Variants in VWA5B1 observed in about 807,000 individuals in gnomAD.
VWA5B1 encodes von Willebrand factor A domain-containing protein 5B1.
In VWA5B1, 115 loss-of-function variants were observed where a neutral mutation model predicts 118.2. The ratio of observed to expected loss-of-function variants is 0.97; its 90% confidence interval spans 0.84 to 1.14. The LOEUF (loss-of-function observed/expected upper bound fraction) is 1.14, where lower values mean the gene tolerates loss of function less well. Among genes scored for constraint, VWA5B1 ranks in the 50% most tolerant of loss-of-function variants. VWA5B1 has a pLI of 0.00. For synonymous variants in VWA5B1, 682 were observed against 658.4 expected (o/e 1.04, Z -0.55); for missense variants, 1,596 against 1,603.8 (o/e 1.00, Z 0.08).
chr1:20,353,851 C>T lies in VWA5B1; in HGVS notation c.3236C>T (p.Pro1079Leu). ...ATGGAGAAGCTCAAGTGGACGTCCC[C>T]CTTCACCTGCCATCGAGTGTCCCTC... ...IPMEKLKWTSPFTCHRVSLTT... is the reference protein window; with the variant it reads ...IPMEKLKWTSLFTCHRVSLTT... The change falls in exon 22 of 22, where the codon CCC becomes CTC. Residue 1079 changes from proline to leucine, a missense_variant. Pro to Leu is a moderately conservative substitution (Grantham distance 98). Coordinates refer to ENST00000289815, the MANE Select transcript of VWA5B1 (RefSeq NM_001039500.3). The T allele has an allele frequency of 6.5e-7, 1 of 1,537,662 alleles. No individual in the cohort carries two copies. The highest frequency in any genetic ancestry group is 8.8e-7 in the Non-Finnish European group (1 of 1,139,944).
intron 12 of VWA5B1, 60 bp from the exon 13 acceptor site, chr1:20,336,243 C>T (rs941937815): frequency 2.2e-5 from 28 of 1,283,666 alleles, no homozygotes; most frequent in South Asian, 1.8e-4. Flanking sequence ...TTGCTCCCTG[C>T]GGAAGTCCTT....
chr1:20,306,620 AT>A (rs1203228802), intron 1 of VWA5B1, among the ~76,000 whole-genome samples: 4 of 152,204 alleles, frequency 2.6e-5, no homozygotes, highest in African/African-American at 9.7e-5. Flanking sequence ...GCTGGCACTC[AT>A]TCATTCATTT....
intron 1 of VWA5B1, among the ~76,000 whole-genome samples, chr1:20,302,342 A>G (rs566084107): frequency 1.3e-5 from 2 of 152,356 alleles, no homozygotes; most frequent in East Asian, 3.9e-4. Context: ...TCTTCAGACG[A>G]ACCTGTAGCC....
chr1:20,354,066 C>A lies in VWA5B1; in HGVS notation c.3451C>A (p.His1151Asn). 6.4e-7 allele frequency: 1 copy of A among 1,551,550 alleles called. No homozygotes were observed. Among genetic ancestry groups the A allele is most frequent in the South Asian group, 1.2e-5 (1 of 84,060 alleles). The stretch of plus-strand genomic sequence containing the variant: ...GGTGGTGGGGCTGGCATGGCTGGAG[C>A]ACAGTTCGGCCTCCTACTTCACTGA... Reference protein sequence around the residue: ...ATVVGLAWLEHSSASYFTEWE... With the variant: ...ATVVGLAWLENSSASYFTEWE... Residue 1151 changes from histidine (H) to asparagine (N), a missense_variant, in exon 22 of 22, where the codon CAC becomes AAC. Transcript: ENST00000289815.
Position 20,323,508 on chromosome 1 carries a change from C to G in VWA5B1, c.1119C>G (p.Ser373Arg). Residue 373 changes from serine to arginine, a missense_variant, in exon 8 of 22, where the codon AGC (serine) becomes AGG (arginine). Physicochemically the swap from Ser to Arg is moderately radical, Grantham distance 110. Transcript: ENST00000289815. ...TCATTGACAGGAGCAGCAGCATGAG[C>G]GGGATCAGCATGCACCGAGTCAAGG... is the stretch of plus-strand genomic sequence containing the variant. ...IFLIDRSSSM[S>R]GISMHRVKDA... 1.3e-6 allele frequency: 2 copies of G among 1,511,326 alleles called. No homozygotes were observed. The highest frequency in any genetic ancestry group is 2.6e-5 in the East Asian group (1 of 37,890). 93.6% of individuals were successfully genotyped at this position (1,511,326 alleles called of 1,614,324 possible). A position where few individuals can be genotyped will look rare whatever the true frequency, so the allele number is the denominator to read the frequency against.
chr1:20,342,129 CAA>C (rs60635945), intron 14 of VWA5B1, among the ~76,000 whole-genome samples: 20,618 of 139,026 alleles, frequency 0.15, 1,818 homozygotes, highest in East Asian at 0.52. Context: ...AACTTTATGG[CAA>C]AAAAAAAAAA....
intron 21 of VWA5B1, among the ~76,000 whole-genome samples, chr1:20,352,677 G>T (rs534328016): frequency 7.8e-4 from 119 of 152,282 alleles, no homozygotes; most frequent in African/African-American, 2.8e-3. Context: ...AAGGGAGACT[G>T]GCCCTGCCAC....
chr1:20,300,818 C>G (rs2088488896), intron 1 of VWA5B1, among the ~76,000 whole-genome samples: 1 of 152,352 alleles, frequency 6.6e-6, no homozygotes, highest in Middle Eastern at 3.4e-3. Flanking sequence ...TTGACCCCTA[C>G]CCCAGGGTCT....
At chr1:20,293,136 G>A (rs16823816) in intron 1 of VWA5B1, among the ~76,000 whole-genome samples, 33,958 of 152,144 alleles carry the variant, frequency 0.22, 4,334 homozygotes, top group East Asian at 0.39. Context: ...TGACACCAGT[G>A]TTCTGTTCCA....
chr1:20,348,512 G>C (rs2101011426), intron 18 of VWA5B1, 154 bp downstream of exon 18: 3 of 750,436 alleles, frequency 4.0e-6, no homozygotes, highest in Middle Eastern at 2.7e-4. Flanking sequence ...GTCCTCCCAG[G>C]CTCTCTGAAG....
chr1:20,331,766 G>A (rs904076089), intron 11 of VWA5B1, among the ~76,000 whole-genome samples: 2 of 152,066 alleles, frequency 1.3e-5, no homozygotes, highest in African/African-American at 4.8e-5. Context: ...AAAAGCTGGG[G>A]TGCTGCATCT....
At chr1:20,304,865 C>T (rs2088602084) in intron 1 of VWA5B1, among the ~76,000 whole-genome samples, 1 of 152,046 alleles carries the variant, frequency 6.6e-6, no homozygotes, top group African/African-American at 2.4e-5. Context: ...CTCACCTCTT[C>T]GAGCCTTGGT....
intron 1 of VWA5B1, among the ~76,000 whole-genome samples, chr1:20,292,024 AT>A (rs2088317395): frequency 6.6e-6 from 1 of 151,938 alleles, no homozygotes; most frequent in South Asian, 2.1e-4. Flanking sequence ...GCGTCACACC[AT>A]CCTGCCTCTC....
rs919470191 is a variant in VWA5B1 at position 20,354,478 on chromosome 1, C to G, written c.*215C>G. The G allele has an allele frequency of 5.1e-6, 3 of 591,010 alleles. No individual in the cohort carries two copies. In the African/African-American group the frequency reaches 5.6e-5, roughly 11 times the overall value. 36.6% of individuals were successfully genotyped at this position (591,010 alleles called of 1,614,324 possible). A position where few individuals can be genotyped will look rare whatever the true frequency, so the allele number is the denominator to read the frequency against. On this transcript the variant is annotated 3_prime_UTR_variant, in exon 22 of 22. Coordinates refer to ENST00000289815, the MANE Select transcript of VWA5B1 (RefSeq NM_001039500.3). ...GGCCAGTGCCTGCCCCCGTCTGGGC[C>G]TCAGTTTCCTCATCTATAAAATAAG...
At position 20,352,074 on chromosome 1, in the gene VWA5B1, A is replaced by G; in HGVS notation, c.3043A>G (p.Arg1015Gly). ...FGSWLNLNKSRLLTRAAKGFL... is the reference protein window; with the variant it reads ...FGSWLNLNKSGLLTRAAKGFL... ...GCACAGGCTAAATCTCAACAAGTCC[A>G]GGCTACTGACGCGAGCAGCCAAGGG... Residue 1015 changes from arginine to glycine, a missense_variant, in exon 21 of 22, where the codon AGG (arginine) becomes GGG (glycine). Arg to Gly is a moderately radical substitution (Grantham distance 125). Transcript: ENST00000289815. The G allele has an allele frequency of 6.4e-7, 1 of 1,551,290 alleles. No homozygotes were observed. The highest frequency in any genetic ancestry group is 8.7e-7 in the Non-Finnish European group (1 of 1,146,906).
intron 18 of VWA5B1, among the ~76,000 whole-genome samples, chr1:20,348,931 G>T (rs532418917): frequency 6.6e-6 from 1 of 152,242 alleles, no homozygotes; most frequent in South Asian, 2.1e-4. Context: ...GTGTCTTTCT[G>T]TCTCTCTAAA....
At chr1:20,297,267 C>A (rs574098850) in intron 1 of VWA5B1, among the ~76,000 whole-genome samples, 14 of 152,324 alleles carry the variant, frequency 9.2e-5, no homozygotes, top group Non-Finnish European at 1.8e-4. Flanking sequence ...AAAGCAGCAA[C>A]GTTTTAATTC....
At chr1:20,308,109 T>C (rs1313664048) in intron 1 of VWA5B1, among the ~76,000 whole-genome samples, 1 of 152,202 alleles carries the variant, frequency 6.6e-6, no homozygotes, top group Non-Finnish European at 1.5e-5. Context: ...AGCTCTCACT[T>C]ACAAGTGAGA....
At chr1:20,319,538 G>T in intron 7 of VWA5B1, 32 bp downstream of exon 7, 4 of 1,550,236 alleles carry the variant, frequency 2.6e-6, no homozygotes, top group Non-Finnish European at 3.5e-6. Flanking sequence ...AGCGGACGGT[G>T]GCAGAGTTGG....
Sources: allele counts gnomAD v4.1 joint callset (sites outside exome capture counted in the v4.1 genomes callset), GRCh38; gene constraint gnomAD v4.1.1; transcripts MANE v1.5; gene names NCBI Gene and HGNC (gene_info 2026-07-23, HGNC 2026-07-21).